CHRNB4: variants seen among roughly 807,000 people sequenced by gnomAD.
CHRNB4 encodes the protein cholinergic receptor nicotinic beta 4 subunit.
CHRNB4 carries 23 observed loss-of-function variants against 40.4 expected under a neutral mutation model. That is an observed-to-expected ratio of 0.57 (90% CI 0.41 to 0.81). The LOEUF is 0.81. CHRNB4 is among the 30% of genes least tolerant of loss of function. The pLI is 0.00. For missense variants in CHRNB4, 568 were observed against 670.6 expected (o/e 0.85, Z 1.69); for synonymous variants, 285 against 274.4 (o/e 1.04, Z -0.38).
At chr15:78,640,821 TGGA>T (rs959869036) in intron 1 of CHRNB4, among the ~76,000 whole-genome samples, 5 of 152,160 alleles carry the variant, frequency 3.3e-5, no homozygotes, top group African/African-American at 1.2e-4. Flanking sequence ...ACACTCGCCC[TGGA>T]GGGTGGCCCT....
intron 7 of CHRNB4, among the ~76,000 whole-genome samples, chr15:78,647,097 G>A (rs957910606): frequency 2.6e-5 from 4 of 152,146 alleles, no homozygotes; most frequent in Non-Finnish European, 5.9e-5. Context: ...TTGTGATTGA[G>A]CCACTGCACT....
rs372191454 is a variant in CHRNB4, at chr15:78,648,166, G to T, written c.46+1213C>A. Among the ~76,000 whole-genome samples, 7 of 152,084 alleles carry T rather than the reference G, an allele frequency of 4.6e-5. No homozygotes were observed. In the East Asian group the frequency reaches 1.4e-3, roughly 30 times the overall value. ...CCCAGCACTTTGGAAGGCCTAGGCG[G>T]GTGGATCACGAGGTCAGGAGATCAA... On this transcript the variant is annotated intron_variant and NMD_transcript_variant, in intron 7 of 11. Transcript: ENST00000559849.
At position 78,624,826 on chromosome 15, in the gene CHRNB4, G is replaced by A. The variant is rs2053612948; in HGVS notation, c.*307C>T. On this transcript the variant is annotated 3_prime_UTR_variant, in exon 6 of 6. Coordinates refer to ENST00000261751, the MANE Select transcript of CHRNB4 (RefSeq NM_000750.5). ...GGAGAGGCAGGCCGGCACCATGCCT[G>A]AAGCATAGTAGGTGCTGCTACGAAG... 2 of 763,824 alleles carry A rather than the reference G, an allele frequency of 2.6e-6. No individual in the cohort carries two copies. Among genetic ancestry groups the A allele is most frequent in the Non-Finnish European group, 4.0e-6 (2 of 501,130 alleles). 47.3% of individuals were successfully genotyped at this position (763,824 alleles called of 1,614,324 possible).
chr15:78,639,589 C>T (rs926999699), intron 1 of CHRNB4, among the ~76,000 whole-genome samples: 9 of 152,186 alleles, frequency 5.9e-5, no homozygotes, highest in African/African-American at 1.4e-4. Flanking sequence ...TGAGCCACCG[C>T]GCCTGGCCTA....
rs975064293 is a variant in CHRNB4, at chr15:78,635,081, G to T, written c.204+358C>A. Among the ~76,000 whole-genome samples, 7 of 152,174 alleles carry T rather than the reference G, an allele frequency of 4.6e-5. No individual in the cohort carries two copies. In the South Asian group the frequency reaches 1.2e-3, roughly 27 times the overall value. On this transcript the variant is annotated intron_variant, in intron 2 of 5. Coordinates refer to ENST00000261751, the MANE Select transcript of CHRNB4 (RefSeq NM_000750.5). ...ACTTCTCCCAACAAGTAAGAAGCAT[G>T]TAAGGTTATCTGAGCAGTCTAGGGG... is the stretch of plus-strand genomic sequence containing the variant.
rs764937110 is a variant in CHRNB4, at chr15:78,629,679, C to T, written c.626G>A (p.Arg209Lys). The change falls in exon 5 of 6, where the codon AGA becomes AAA. Residue 209 changes from arginine (R) to lysine (K), a missense_variant. Coordinates refer to ENST00000261751, the MANE Select transcript of CHRNB4 (RefSeq NM_000750.5). This position sits in a 1 kb window ranked among gnomAD's most constrained non-coding sequence, Gnocchi z 6.8. ...GGGGTCTTGTGGGTTCACTGTCCTTCTCCCTGGGAGGGCCACTATGTCCCA... is the reference window on the plus strand; with the variant it reads ...GGGGTCTTGTGGGTTCACTGTCCTTTTCCCTGGGAGGGCCACTATGTCCCA... ...GEWDIVALPG[R>K]RTVNPQDPSY... The T allele has an allele frequency of 3.7e-6, 6 of 1,614,144 alleles. No individual in the cohort carries two copies. In the East Asian group the frequency reaches 6.7e-5, roughly 18 times the overall value.
chr15:78,658,000 TTCCTCACA>T (rs1419477047), intron 2 of CHRNB4, among the ~76,000 whole-genome samples: 2 of 150,970 alleles, frequency 1.3e-5, no homozygotes, highest in Non-Finnish European at 3.0e-5. Context: ...TATATCATTA[TTCCTCACA>T]ATGACTGTCT....
intron 1 of CHRNB4, among the ~76,000 whole-genome samples, chr15:78,636,843 T>G (rs974029507): frequency 2.0e-5 from 3 of 152,168 alleles, no homozygotes; most frequent in Admixed American, 6.5e-5. Flanking sequence ...TGCCAGGGAC[T>G]TTACTACATT....
chr15:78,648,068 C>T (rs910890303), intron 7 of CHRNB4, among the ~76,000 whole-genome samples: 1 of 151,670 alleles, frequency 6.6e-6, no homozygotes, highest in African/African-American at 2.4e-5. Context: ...GGCGAGCCCT[C>T]GTGGATGAGA....
upstream of CHRNB4, among the ~76,000 whole-genome samples, chr15:78,645,772 G>T (rs2054117862): frequency 6.6e-6 from 1 of 152,036 alleles, no homozygotes; most frequent in Non-Finnish European, 1.5e-5. Flanking sequence ...GAATAAGAAT[G>T]ACATAGGCCG....
chr15:78,629,550 A>G lies in CHRNB4; in HGVS notation c.755T>C (p.Leu252Pro). Residue 252 changes from leucine to proline, a missense_variant, in exon 5 of 6, where the codon CTC becomes CCC. Coordinates refer to ENST00000261751, the MANE Select transcript of CHRNB4 (RefSeq NM_000750.5). This position sits in a 1 kb window ranked among gnomAD's most constrained non-coding sequence, Gnocchi z 6.8. ...PCVLTTLLAILVFYLPSDCGE... is the reference protein window; with the variant it reads ...PCVLTTLLAIPVFYLPSDCGE... ...GCAGTCGGATGGCAGGTAGAAGACG[A>G]GGATGGCCAGCAAGGTGGTGAGCAC... 6.2e-7 allele frequency: 1 copy of G among 1,614,140 alleles called. No individual in the cohort carries two copies. Among genetic ancestry groups the G allele is most frequent in the Non-Finnish European group, 8.5e-7 (1 of 1,180,016 alleles).
chr15:78,625,142 C>G lies in CHRNB4; in HGVS notation c.1488G>C (p.Gln496His), dbSNP rs78931803. ...HAASEGPYAA[Q>H]RD is the part of the protein sequence containing the mutation. ...ACAACCCAGGGGGCCCTCAGTCACG[C>G]TGGGCAGCGTAGGGCCCCTCAGAAG... The change falls in exon 6 of 6, where the codon CAG becomes CAC. Residue 496 changes from glutamine (Q) to histidine (H), a missense_variant. Physicochemically the swap from Gln to His is conservative, Grantham distance 24. Coordinates refer to ENST00000261751, the MANE Select transcript of CHRNB4 (RefSeq NM_000750.5). 25 of 1,614,004 alleles carry G rather than the reference C, an allele frequency of 1.5e-5. No individual in the cohort carries two copies. The highest frequency in any genetic ancestry group is 1.9e-5 in the Non-Finnish European group (23 of 1,180,020).
At chr15:78,625,740 G>A (rs80037964) in intron 5 of CHRNB4, among the ~76,000 whole-genome samples, 1,953 of 152,252 alleles carry the variant, frequency 0.013, 39 homozygotes, top group African/African-American at 0.043. Context: ...CAGAGAAACC[G>A]GGGCTTACAG....
upstream of CHRNB4, chr15:78,641,228 C>A: frequency 8.4e-7 from 1 of 1,197,040 alleles, no homozygotes; most frequent in Non-Finnish European, 1.1e-6. Flanking sequence ...GGTCCTGGCC[C>A]CCGAGGTTTG....
rs376632820 is a variant in CHRNB4, at chr15:78,629,352, T to C, written c.953A>G (p.Asn318Ser). The C allele has an allele frequency of 3.7e-5, 59 of 1,613,882 alleles. No homozygotes were observed. Among genetic ancestry groups the C allele is most frequent in the African/African-American group, 6.7e-5 (5 of 74,850 alleles). The change falls in exon 5 of 6, where the codon AAT becomes AGT. Residue 318 changes from asparagine to serine, a missense_variant. By Grantham distance (46) the Asn-to-Ser change is conservative (BLOSUM62 1). Around this residue, in one of 4 missense-constraint regions of CHRNB4, gnomAD observed 242 missense variants for 274.9 expected, o/e 0.88. Transcript: ENST00000261751. This position sits in a 1 kb window ranked among gnomAD's most constrained non-coding sequence, Gnocchi z 6.8. ...FSIVTSVCVLNVHHRSPSTHT... is the reference protein window; with the variant it reads ...FSIVTSVCVLSVHHRSPSTHT... ...GGTGCTGGGCGAGCGGTGGTGCACA[T>C]TGAGCACACAGACGCTGGTGACGAT...
In CHRNB4 at chr15:78,624,985, G is replaced by A; in HGVS notation, c.*148C>T. 2 of 1,580,316 alleles carry A rather than the reference G, an allele frequency of 1.3e-6. No individual in the cohort carries two copies. The highest frequency in any genetic ancestry group is 2.3e-5 in the South Asian group (2 of 88,560). On this transcript the variant is annotated 3_prime_UTR_variant, in exon 6 of 6. Transcript: ENST00000261751. The stretch of plus-strand genomic sequence containing the variant: ...GAGGACAGCCCAGGCCCCCATCCTT[G>A]CCTGTTCCACGGCTGTGGCTGGTTT...
chr15:78,633,916 G>C (rs79308861), intron 2 of CHRNB4, among the ~76,000 whole-genome samples: 1,624 of 150,650 alleles, frequency 0.011, 33 homozygotes, highest in African/African-American at 0.037. Context: ...AGGGAATAAG[G>C]GGGGCTGGAG....
chr15:78,643,098 A>G (rs2054095363), upstream of CHRNB4, among the ~76,000 whole-genome samples: 1 of 152,248 alleles, frequency 6.6e-6, no homozygotes, highest in Non-Finnish European at 1.5e-5. Flanking sequence ...AATAAATGTT[A>G]GCTATTAACT....
exon 4 of CHRNB4, chr15:78,656,295 C>T (rs1274265945): frequency 6.9e-6 from 1 of 145,346 alleles, no homozygotes; most frequent in Non-Finnish European, 1.5e-5. Context: ...TGAGACTGCA[C>T]CACTGCACTC....
Sources: allele counts gnomAD v4.1 joint callset (sites outside exome capture counted in the v4.1 genomes callset), GRCh38; gene constraint gnomAD v4.1.1; regional missense constraint gnomAD v4.1.1; non-coding constraint Gnocchi (gnomAD v3.1); transcripts MANE v1.5; gene names NCBI Gene and HGNC (gene_info 2026-07-23, HGNC 2026-07-21).